The following RPF2 variants were observed in gnomAD, a reference collection of about 807,000 sequenced individuals.
The protein encoded by RPF2 is brix domain containing 1.
In RPF2, 21 loss-of-function variants were observed where a neutral mutation model predicts 38.9. The ratio of observed to expected loss-of-function variants is 0.54; its 90% CI spans 0.38 to 0.78. The LOEUF is 0.78. Ranked by LOEUF, RPF2 falls within the 30% of genes least tolerant of loss-of-function variation. The pLI is 0.00. For synonymous variants in RPF2, 121 were observed against 126.2 expected (o/e 0.96, Z 0.28); for missense variants, 314 against 358.1 (o/e 0.88, Z 0.99).
chr6:111,003,883 G>A (rs184618221), intron 6 of RPF2, among the ~76,000 whole-genome samples: 45 of 152,114 alleles, frequency 3.0e-4, no homozygotes, highest in African/African-American at 1.1e-3. Context: ...CGTGATCTCG[G>A]CTCACTGCAA....
intron 3 of RPF2, 109 bp downstream of exon 3, chr6:110,989,174 T>G: frequency 9.1e-7 from 1 of 1,095,852 alleles, no homozygotes; most frequent in Admixed American, 4.1e-5. Flanking sequence ...GATATTAAAA[T>G]TCCTTACAGT....
At chr6:110,989,634 T>G (rs963529030) in intron 3 of RPF2, among the ~76,000 whole-genome samples, 4 of 151,212 alleles carry the variant, frequency 2.6e-5, no homozygotes, top group African/African-American at 9.7e-5. Flanking sequence ...GTGGTTTTTT[T>G]TTTTTTTTTT....
intron 3 of RPF2, 67 bp downstream of exon 3, chr6:110,989,132 G>A: frequency 7.3e-7 from 1 of 1,372,562 alleles, no homozygotes; most frequent in South Asian, 1.7e-5. Flanking sequence ...ACCACTTTAT[G>A]GAAGATTTGG....
intron 8 of RPF2, among the ~76,000 whole-genome samples, chr6:111,018,745 A>G (rs1007390856): frequency 3.3e-5 from 5 of 152,224 alleles, no homozygotes; most frequent in Non-Finnish European, 7.3e-5. Context: ...CCCAATGATC[A>G]TAAGATGTAA....
chr6:111,006,515 G>C lies in RPF2; in HGVS notation c.394-1523G>C, dbSNP rs547158290. Among the ~76,000 whole-genome samples, 70 of 152,162 alleles carry C rather than the reference G, an allele frequency of 4.6e-4. 2 individuals carry two copies. In the South Asian group the frequency reaches 8.9e-3, roughly 19 times the overall value. On this transcript the variant is annotated intron_variant, in intron 6 of 9. Coordinates refer to ENST00000441448, the MANE Select transcript of RPF2 (RefSeq NM_032194.3). Reference sequence around the variant, plus strand: ...GCCTCTGAAAGTGGTGGGATTATAGGCGTGAACCACTGTGCCCAGCCCATA... The same window carrying C: ...GCCTCTGAAAGTGGTGGGATTATAGCCGTGAACCACTGTGCCCAGCCCATA...
chr6:111,024,199 T>A lies in RPF2; in HGVS notation c.613T>A (p.Ser205Thr), dbSNP rs759983219. The change falls in exon 9 of 10, where the codon TCT becomes ACT. Residue 205 changes from serine to threonine, a missense_variant. Coordinates refer to ENST00000441448, the MANE Select transcript of RPF2 (RefSeq NM_032194.3). ...TTCCTAAAGGTTGCTGTTGAAGAAA[T>A]CTGGTTGCAGAACACCACGGATTGA... ...FRSYKLLLKK[S>T]GCRTPRIELE... is the part of the protein sequence containing the mutation. 6.3e-7 allele frequency: 1 copy of A among 1,597,520 alleles called. No homozygotes were observed. Among genetic ancestry groups the A allele is most frequent in the African/African-American group, 1.3e-5 (1 of 74,138 alleles).
In RPF2 at chr6:110,995,640, C is replaced by T. The variant is rs540746440; in HGVS notation, c.235-1543C>T. ...ACTAAAACATGTTGATTCTAATTTT[C>T]GTGCTAAAAGTGGTGATCTCAGTAA... On this transcript the variant is annotated intron_variant, in intron 4 of 9. Coordinates refer to ENST00000441448, the MANE Select transcript of RPF2 (RefSeq NM_032194.3). 9.2e-5 allele frequency among the ~76,000 whole-genome samples: 14 copies of T among 152,172 alleles called. No individual in the cohort carries two copies. The South Asian group carries it at 2.9e-3, about 32-fold the overall frequency.
At chr6:111,007,191 A>G (rs1771924141) in intron 6 of RPF2, among the ~76,000 whole-genome samples, 1 of 152,048 alleles carries the variant, frequency 6.6e-6, no homozygotes, top group Non-Finnish European at 1.5e-5. Flanking sequence ...CCTTAAATTT[A>G]TTTTGATTCA....
At chr6:111,025,280 A>T (rs1772303786) in intron 9 of RPF2, 123 bp from the exon 10 acceptor site, 2 of 633,648 alleles carry the variant, frequency 3.2e-6, no homozygotes, top group South Asian at 2.1e-5. Flanking sequence ...AGGGCTATAT[A>T]CTGTGTCACT....
rs1772331839 is a variant in RPF2, at chr6:111,026,595, T to G, written c.*1013T>G. 1 of 152,192 alleles carries G rather than the reference T, an allele frequency of 6.6e-6. No homozygotes were observed. Among genetic ancestry groups the G allele is most frequent in the African/African-American group, 2.4e-5 (1 of 41,442 alleles). The allele number at this position is 152,192 out of a possible 1,614,324, so 9.4% of individuals were successfully genotyped here. ...CTTTAGGGTACTGGGTAGCCCTAGG[T>G]AGCTAAAGGTTGCATGAAGGCCCTG... On this transcript the variant is annotated 3_prime_UTR_variant, in exon 10 of 10. Transcript: ENST00000441448.
chr6:111,005,817 T>C (rs890334496), intron 6 of RPF2, among the ~76,000 whole-genome samples: 1 of 151,876 alleles, frequency 6.6e-6, no homozygotes, highest in Non-Finnish European at 1.5e-5. Context: ...ATTTGGTTTG[T>C]TTGTTATTGT....
chr6:110,985,767 G>A (rs146471244), intron 2 of RPF2, among the ~76,000 whole-genome samples: 4,284 of 152,036 alleles, frequency 0.028, 105 homozygotes, highest in South Asian at 0.1. Flanking sequence ...GTGAAACCCC[G>A]TCTCTACTAA....
chr6:110,995,416 C>G (rs11754928), intron 4 of RPF2, among the ~76,000 whole-genome samples: 26,248 of 152,068 alleles, frequency 0.17, 2,307 homozygotes, highest in South Asian at 0.28. Context: ...CTGCATCCCC[C>G]ACTCTGGTTG....
At chr6:110,993,816 T>C (rs546934233) in intron 4 of RPF2, among the ~76,000 whole-genome samples, 2 of 152,314 alleles carry the variant, frequency 1.3e-5, no homozygotes, top group South Asian at 2.1e-4. Context: ...GTGTTGGAAA[T>C]AGTGGTCAAT....
At chr6:110,998,964 T>C (rs933505755) in intron 5 of RPF2, among the ~76,000 whole-genome samples, 1 of 145,114 alleles carries the variant, frequency 6.9e-6, no homozygotes, top group African/African-American at 2.6e-5. Flanking sequence ...AAAAAAAAAA[T>C]TTATGTCGGT....
At chr6:111,020,598 ATGCC>A (rs901301206) in intron 8 of RPF2, among the ~76,000 whole-genome samples, 78 of 152,338 alleles carry the variant, frequency 5.1e-4, no homozygotes, top group African/African-American at 1.9e-3. Flanking sequence ...GTGGTGGCTC[ATGCC>A]TGTAATCCAG....
intron 6 of RPF2, among the ~76,000 whole-genome samples, chr6:111,003,868 A>G (rs1771856923): frequency 6.6e-6 from 1 of 152,028 alleles, no homozygotes; most frequent in Admixed American, 6.6e-5. Context: ...ACTGGAGTGC[A>G]ATGGCGTGAT....
intron 8 of RPF2, among the ~76,000 whole-genome samples, chr6:111,018,258 G>T (rs1003400395): frequency 2.6e-5 from 4 of 151,976 alleles, no homozygotes; most frequent in Non-Finnish European, 4.4e-5. Flanking sequence ...TGTGGTTCTT[G>T]AGATAAGTGT....
At chr6:110,987,208 C>T (rs1771539445) in intron 2 of RPF2, among the ~76,000 whole-genome samples, 1 of 151,902 alleles carries the variant, frequency 6.6e-6, no homozygotes, top group Admixed American at 6.6e-5. Flanking sequence ...AGCTGGGAGC[C>T]ACCACACCCA....
Sources: gnomAD v4.1 joint callset for allele counts (sites outside exome capture counted in the v4.1 genomes callset) on GRCh38, gnomAD v4.1.1 for gene constraint, MANE v1.5 for transcripts, NCBI Gene and HGNC (gene_info 2026-07-23, HGNC 2026-07-21) for gene names.